Variants in OTOG observed in about 807,000 individuals in gnomAD.
The protein encoded by OTOG is otogelin.
A neutral mutation model predicts 313.8 loss-of-function variants in OTOG; 296 were observed. The ratio of observed to expected loss-of-function variants is 0.94; its 90% CI spans 0.86 to 1.04. The LOEUF is 1.04. Among genes scored for constraint, OTOG ranks in the 50% least tolerant of loss-of-function variants. The pLI, the probability that OTOG is intolerant of heterozygous loss-of-function variation, is 0.00. For missense variants in OTOG, 3,948 were observed against 3,840.1 expected (o/e 1.03, Z -0.74); for synonymous variants, 1,533 against 1,554.9 (o/e 0.99, Z 0.33).
chr11:17,562,780 G>A (rs757827857), intron 15 of OTOG, among the ~76,000 whole-genome samples: 3 of 152,002 alleles, frequency 2.0e-5, no homozygotes, highest in South Asian at 2.1e-4. Flanking sequence ...TTCAACATTC[G>A]TCCCTCCCTT....
At chr11:17,548,780 T>C (rs1294941308) in intron 3 of OTOG, among the ~76,000 whole-genome samples, 1 of 152,068 alleles carries the variant, frequency 6.6e-6, no homozygotes, top group East Asian at 1.9e-4. Context: ...TGCAGTCGCA[T>C]AATCATAGTT....
At chr11:17,605,782 T>G in intron 32 of OTOG, 75 bp from the exon 33 acceptor site, 1 of 1,443,746 alleles carries the variant, frequency 6.9e-7, no homozygotes, top group Non-Finnish European at 9.3e-7. Flanking sequence ...AGAGAGCAGA[T>G]GTGTGCCAGG....
chr11:17,608,412 A>G lies in OTOG; in HGVS notation c.4273A>G (p.Arg1425Gly), dbSNP rs1240160991. The change falls in exon 34 of 56, where the codon AGG becomes GGG. Residue 1425 changes from arginine (R) to glycine (G), a missense_variant and splice_region_variant. By Grantham distance (125) the Arg-to-Gly change is moderately radical. Coordinates refer to ENST00000399397, the MANE Select transcript of OTOG (RefSeq NM_001292063.2). ...GGCAGCCAGCTGCCGGGACGTACCC[A>G]GGTGAGATGCCAGGGGCTGTGGGCA... ...PRAASCRDVPRVEGCVPVCPT... is the reference protein window; with the variant it reads ...PRAASCRDVPGVEGCVPVCPT... 3 of 1,532,452 alleles carry G rather than the reference A, an allele frequency of 2.0e-6. No individual in the cohort carries two copies. In the South Asian group the frequency reaches 3.7e-5, roughly 19 times the overall value. 94.9% of individuals were successfully genotyped at this position (1,532,452 alleles called of 1,614,324 possible). A position where few individuals can be genotyped will look rare whatever the true frequency, so the allele number is the denominator to read the frequency against.
chr11:17,581,706 C>T (rs1458040629), intron 23 of OTOG, among the ~76,000 whole-genome samples: 1 of 152,144 alleles, frequency 6.6e-6, no homozygotes, highest in East Asian at 1.9e-4. Flanking sequence ...GCTTGTAACC[C>T]ACACTCCTGT....
rs1590021601 is a variant in OTOG, at chr11:17,586,959, A to G, written c.2867+378A>G. 2.2e-5 allele frequency among the ~76,000 whole-genome samples: 3 copies of G among 139,382 alleles called. No individual in the cohort carries two copies. The East Asian group carries it at 5.8e-4, about 27-fold the overall frequency. The allele number at this position is 139,382 out of a possible 152,430, so 91.4% of individuals were successfully genotyped here. On this transcript the variant is annotated intron_variant, in intron 24 of 55. Transcript: ENST00000399397. ...AAAAGGCAGGCATTCACAAATCTCA[A>G]TATGTCAGTGAATATGTACAATTAG...
In OTOG at chr11:17,570,724, C is replaced by T. The variant is rs1361120047; in HGVS notation, c.1955+334C>T. ...TCTATGGGCCACACCTTGAGAAATGCTGTTTTAGAATGAGGTCTTAAAACC... is the reference window on the plus strand; with the variant it reads ...TCTATGGGCCACACCTTGAGAAATGTTGTTTTAGAATGAGGTCTTAAAACC... On this transcript the variant is annotated intron_variant, in intron 17 of 55. Transcript: ENST00000399397. 1.9e-5 allele frequency: 4 copies of T among 206,852 alleles called. No homozygotes were observed. In the South Asian group the frequency reaches 3.5e-4, roughly 18 times the overall value. 12.8% of individuals were successfully genotyped at this position (206,852 alleles called of 1,614,324 possible). A position where few individuals can be genotyped will look rare whatever the true frequency, so the allele number is the denominator to read the frequency against.
At chr11:17,591,848 T>C (rs537270656) in intron 25 of OTOG, among the ~76,000 whole-genome samples, 1 of 152,360 alleles carries the variant, frequency 6.6e-6, no homozygotes, top group East Asian at 1.9e-4. Context: ...CTGTCTATAA[T>C]AGCAAGAGCT....
chr11:17,638,412 C>CGTG, intron 47 of OTOG, 39 bp from the exon 48 acceptor site: 5 of 1,474,234 alleles, frequency 3.4e-6, no homozygotes, highest in Non-Finnish European at 4.6e-6. Context: ...TCCCCAGGTG[C>CGTG]CTGTGACTGA....
chr11:17,552,182 C>A lies in OTOG; in HGVS notation c.292+107C>A, dbSNP rs558122870. The A allele has an allele frequency of 7.3e-6, 8 of 1,098,868 alleles. No homozygotes were observed. The African/African-American group carries it at 7.9e-5, about 11-fold the overall frequency. 68.1% of individuals were successfully genotyped at this position (1,098,868 alleles called of 1,614,324 possible). A position where few individuals can be genotyped will look rare whatever the true frequency, so the allele number is the denominator to read the frequency against. ...GGCTTCCCTCAGGCCTCCATGACCC[C>A]TTTTTCCTGCTTGGCATCTCCTTCC... On this transcript the variant is annotated intron_variant, in intron 4 of 55. Coordinates refer to ENST00000399397, the MANE Select transcript of OTOG (RefSeq NM_001292063.2).
At chr11:17,559,309 C>A in intron 11 of OTOG, 148 bp downstream of exon 11, 1 of 927,104 alleles carries the variant, frequency 1.1e-6, no homozygotes, top group Non-Finnish European at 1.6e-6. Context: ...GACGAAAAAA[C>A]TGAGGCTCAG....
chr11:17,559,533 G>A lies in OTOG; in HGVS notation c.1214-1G>A, dbSNP rs756119755. 6.4e-7 allele frequency: 1 copy of A among 1,550,648 alleles called. No homozygotes were observed. Among genetic ancestry groups the A allele is most frequent in the South Asian group, 1.2e-5 (1 of 84,066 alleles). On this transcript the variant is annotated splice_acceptor_variant, in intron 11 of 55. Transcript: ENST00000399397. LOFTEE classifies it high-confidence loss of function. ...GAGACCATGGATCCCTCCTTCCCAA[G>A]CTGTGCACTGCAAGGAGAAGGCCTT...
Position 17,613,235 on chromosome 11 carries a change from CTT to C in OTOG, c.6439-375_6439-374del, listed in dbSNP as rs1565118933. ...TCTTTCTTTCTTTCTTTCTTTCTTTCTTTCTTTCTTTCTTTCTTTCTTTCTTT... is the reference window on the plus strand; with the variant it reads ...TCTTTCTTTCTTTCTTTCTTTCTTTCTCTTTCTTTCTTTCTTTCTTTCTTT... On this transcript the variant is annotated intron_variant, in intron 38 of 55. Coordinates refer to ENST00000399397, the MANE Select transcript of OTOG (RefSeq NM_001292063.2). Among the ~76,000 whole-genome samples, 12 of 134,458 alleles carry C rather than the reference CTT, an allele frequency of 8.9e-5. 1 individual carries two copies. Among genetic ancestry groups the C allele is most frequent in the African/African-American group, 3.3e-4 (11 of 33,134 alleles). 88.2% of individuals were successfully genotyped at this position (134,458 alleles called of 152,430 possible). A position where few individuals can be genotyped will look rare whatever the true frequency, so the allele number is the denominator to read the frequency against.
chr11:17,563,863 T>G (rs1229916222), intron 15 of OTOG, among the ~76,000 whole-genome samples: 2 of 148,642 alleles, frequency 1.3e-5, no homozygotes, highest in Non-Finnish European at 3.0e-5. Context: ...GGTTTTTTTT[T>G]TTTTTTTTTT....
chr11:17,568,523 T>A (rs1852337192), intron 15 of OTOG, among the ~76,000 whole-genome samples: 1 of 152,234 alleles, frequency 6.6e-6, no homozygotes, highest in South Asian at 2.1e-4. Flanking sequence ...CCCACACAAG[T>A]ATGTAATTTC....
At chr11:17,568,722 T>C (rs1186883775) in intron 15 of OTOG, among the ~76,000 whole-genome samples, 1 of 152,194 alleles carries the variant, frequency 6.6e-6, no homozygotes, top group East Asian at 1.9e-4. Context: ...CAGAGAATAT[T>C]ACCTCATTTC....
Position 17,610,109 on chromosome 11 carries a change from C to A in OTOG, c.4809C>A (p.Val1603=). The change falls in exon 36 of 56, where the codon GTC becomes GTA. Residue 1603 remains valine (V), a synonymous_variant. Coordinates refer to ENST00000399397, the MANE Select transcript of OTOG (RefSeq NM_001292063.2). ...VIFAGSPNIT[V]SSRSPPAPRF... ...TTGCAGGAAGCCCTAACATCACAGT[C>A]TCCTCCCGGTCGCCCCCTGCCCCTC... The A allele has an allele frequency of 6.4e-7, 1 of 1,550,604 alleles. No individual in the cohort carries two copies. Among genetic ancestry groups the A allele is most frequent in the Non-Finnish European group, 8.7e-7 (1 of 1,146,976 alleles).
chr11:17,547,361 C>A lies in OTOG; in HGVS notation c.-12C>A. ...GCCCTGCGCTCAAGTCCTCCGGTCCCCTCGTGTCCCTATGGGAGTCCTGGC... is the reference window on the plus strand; with the variant it reads ...GCCCTGCGCTCAAGTCCTCCGGTCCACTCGTGTCCCTATGGGAGTCCTGGC... On this transcript the variant is annotated 5_prime_UTR_variant, in exon 1 of 56. Transcript: ENST00000399397. 2 of 1,349,536 alleles carry A rather than the reference C, an allele frequency of 1.5e-6. No homozygotes were observed. The highest frequency in any genetic ancestry group is 1.9e-6 in the Non-Finnish European group (2 of 1,055,462). 83.6% of individuals were successfully genotyped at this position (1,349,536 alleles called of 1,614,324 possible). A position where few individuals can be genotyped will look rare whatever the true frequency, so the allele number is the denominator to read the frequency against.
At position 17,574,780 on chromosome 11, in the gene OTOG, G is replaced by T. The variant is rs1030394978; in HGVS notation, c.2354G>T (p.Cys785Phe). The T allele has an allele frequency of 7.5e-5, 116 of 1,550,620 alleles. No homozygotes were observed. The highest frequency in any genetic ancestry group is 1.7e-4 in the Middle Eastern group (1 of 6,014). ...TGCGTGGCCCCGTGTGGACGTACCT[G>T]CCAGGACCTGGCCAGCCCTGAGGCC... ...SPCVAPCGRTCQDLASPEACG... is the reference protein window; with the variant it reads ...SPCVAPCGRTFQDLASPEACG... Residue 785 changes from cysteine to phenylalanine, a missense_variant, in exon 20 of 56, where the codon TGC becomes TTC. Transcript: ENST00000399397.
intron 23 of OTOG, among the ~76,000 whole-genome samples, chr11:17,578,881 G>C (rs1852601490): frequency 6.6e-6 from 1 of 152,182 alleles, no homozygotes; most frequent in Non-Finnish European, 1.5e-5. Flanking sequence ...GAGGCCACTG[G>C]AGAGAAAACT....
Sources: gnomAD v4.1 joint callset for allele counts (sites outside exome capture counted in the v4.1 genomes callset) on GRCh38, gnomAD v4.1.1 for gene constraint, MANE v1.5 for transcripts, NCBI Gene and HGNC (gene_info 2026-07-23, HGNC 2026-07-21) for gene names.